CASK: variants seen among roughly 807,000 people sequenced by gnomAD.
CASK encodes peripheral plasma membrane protein CASK.
A neutral mutation model predicts 82.9 loss-of-function variants in CASK; 4 were observed. The ratio of observed to expected loss-of-function variants is 0.05; its 90% CI spans 0.02 to 0.11. The LOEUF (loss-of-function observed/expected upper bound fraction) is 0.11. Among genes scored for constraint, CASK ranks in the 10% least tolerant of loss-of-function variants. The pLI is 1.00. For synonymous variants in CASK, 259 were observed against 253.5 expected (o/e 1.02, Z -0.20); for missense variants, 358 against 720.9 (o/e 0.50, Z 5.76).
intron 3 of CASK, among the ~76,000 whole-genome samples, chrX:41,777,721 T>C (rs1192134527): frequency 9.0e-6 from 1 of 111,372 alleles, no homozygotes; most frequent in African/African-American, 3.3e-5. Context: ...GGTTGTTCAC[T>C]TCTACAATAA....
Position 41,531,148 on chromosome X carries a change from A to T in CASK, c.2379T>A (p.His793Gln). Reference sequence around the variant, plus strand: ...TAGAGATGTCTTGCATCATTTGGTCATGAGATACAAAGTAATAATTCTTTC... The same window carrying T: ...TAGAGATGTCTTGCATCATTTGGTCTTGAGATACAAAGTAATAATTCTTTC... ...ENGKNYYFVS[H>Q]DQMMQDISNN... is the part of the protein sequence containing the mutation. Residue 793 changes from histidine (H) to glutamine (Q), a missense_variant, in exon 25 of 27, where the codon CAT becomes CAA. Around this residue, in one of 5 missense-constraint regions of CASK, gnomAD observed 118 missense variants for 169.4 expected, o/e 0.70. Coordinates refer to ENST00000378163, the MANE Select transcript of CASK (RefSeq NM_001367721.1). 8.3e-7 allele frequency: 1 copy of T among 1,209,979 alleles called. No individual in the cohort carries two copies.
intron 2 of CASK, among the ~76,000 whole-genome samples, chrX:41,844,212 T>C (rs769364512): frequency 6.3e-5 from 7 of 111,727 alleles, no homozygotes; most frequent in Non-Finnish European, 1.1e-4. Context: ...GGTTTTGGTA[T>C]CAGGGTATTG....
At chrX:41,736,307 C>T (rs766387323) in intron 5 of CASK, among the ~76,000 whole-genome samples, 3 of 111,462 alleles carry the variant, frequency 2.7e-5, no homozygotes, top group Admixed American at 9.5e-5. Flanking sequence ...GCAGCCTGGG[C>T]AACAGGGTGA....
intron 25 of CASK, among the ~76,000 whole-genome samples, chrX:41,530,641 T>G (rs752355845): frequency 1.6e-4 from 18 of 112,627 alleles, no homozygotes; most frequent in African/African-American, 5.2e-4. Flanking sequence ...CAGCGTGAGC[T>G]GTACCCAGAG....
At chrX:41,692,528 A>G (rs1437905976) in intron 5 of CASK, among the ~76,000 whole-genome samples, 1 of 112,810 alleles carries the variant, frequency 8.9e-6, no homozygotes, top group African/African-American at 3.2e-5. Flanking sequence ...TGTCTCTGCA[A>G]TTTCTATCAT....
intron 22 of CASK, among the ~76,000 whole-genome samples, chrX:41,536,397 C>T (rs985790837): frequency 9.0e-6 from 1 of 110,995 alleles, no homozygotes; most frequent in Non-Finnish European, 1.9e-5. Flanking sequence ...TGTGAGCCAT[C>T]GTGCCCGGCC....
chrX:41,576,394 A>G (rs1445405947), intron 15 of CASK, among the ~76,000 whole-genome samples: 1 of 110,675 alleles, frequency 9.0e-6, no homozygotes, highest in Non-Finnish European at 1.9e-5. Flanking sequence ...GGTCCCTTCT[A>G]CCTTCTTGCC....
At chrX:41,885,125 T>G (rs145145807) in intron 1 of CASK, among the ~76,000 whole-genome samples, 7 of 111,912 alleles carry the variant, frequency 6.3e-5, no homozygotes, top group African/African-American at 2.3e-4. Flanking sequence ...CTGCCACATA[T>G]TTGTCATCTA....
chrX:41,537,360 T>C (rs1228348439), intron 22 of CASK, among the ~76,000 whole-genome samples: 4 of 111,360 alleles, frequency 3.6e-5, no homozygotes, highest in African/African-American at 1.3e-4. Context: ...ACTTAAAGAA[T>C]GAGCTTTTAA....
intron 2 of CASK, 112 bp from the exon 3 acceptor site, chrX:41,787,395 G>C: frequency 1.9e-6 from 1 of 534,829 alleles, no homozygotes. Flanking sequence ...TCTAACTAGA[G>C]AGATGAAATC....
At chrX:41,861,823 ATG>A (rs2071487806) in intron 1 of CASK, among the ~76,000 whole-genome samples, 1 of 100,922 alleles carries the variant, frequency 9.9e-6, no homozygotes, top group African/African-American at 3.6e-5. Flanking sequence ...TATTGTATAT[ATG>A]TATATATACA....
chrX:41,638,850 T>A (rs2066600996), intron 8 of CASK, among the ~76,000 whole-genome samples: 1 of 110,835 alleles, frequency 9.0e-6, no homozygotes, highest in African/African-American at 3.3e-5. Context: ...TAGAGTGACA[T>A]GATCTGACTT....
intron 5 of CASK, among the ~76,000 whole-genome samples, chrX:41,731,109 C>T (rs910001148): frequency 1.8e-5 from 2 of 112,457 alleles, no homozygotes; most frequent in Non-Finnish European, 1.9e-5. Context: ...TCTCACTGGA[C>T]TTAGGAGTTT....
intron 5 of CASK, among the ~76,000 whole-genome samples, chrX:41,722,077 T>C (rs1004516849): frequency 3.6e-5 from 4 of 112,319 alleles, no homozygotes; most frequent in Non-Finnish European, 7.5e-5. Flanking sequence ...GTTGAATGAA[T>C]TACACTGTTT....
At chrX:41,863,262 T>C (rs752735193) in intron 1 of CASK, among the ~76,000 whole-genome samples, 15 of 112,027 alleles carry the variant, frequency 1.3e-4, no homozygotes, top group Non-Finnish European at 2.1e-4. Context: ...CCTAAACATA[T>C]GGAACTTTGA....
intron 1 of CASK, among the ~76,000 whole-genome samples, chrX:41,868,591 C>A (rs1048755125): frequency 3.6e-5 from 4 of 111,203 alleles, no homozygotes; most frequent in Non-Finnish European, 7.5e-5. Flanking sequence ...TCAAAGCCAC[C>A]ACAACATAAA....
Position 41,839,978 on chromosome X carries a change from C to A in CASK, c.172+13137G>T, listed in dbSNP as rs1281256795. On this transcript the variant is annotated intron_variant, in intron 2 of 26. Transcript: ENST00000378163. Reference sequence around the variant, plus strand: ...ACTACACTGTCATGATTACTGTAGCCTTAAAGTATTGAAGTCAAGTACTGA... The same window carrying A: ...ACTACACTGTCATGATTACTGTAGCATTAAAGTATTGAAGTCAAGTACTGA... Among the ~76,000 whole-genome samples the A allele has an allele frequency of 3.6e-5, 4 of 111,977 alleles. No individual in the cohort carries two copies. In the South Asian group the frequency reaches 1.5e-3, roughly 42 times the overall value.
intron 1 of CASK, among the ~76,000 whole-genome samples, chrX:41,873,283 C>CAAAAAAAAAAA (rs1175165867): frequency 3.2e-5 from 1 of 31,298 alleles, no homozygotes; most frequent in Non-Finnish European, 5.5e-5. Context: ...TTCTTCCTCA[C>CAAAAAAAAAAA]AAAAAAAAAA....
chrX:41,539,273 T>G (rs1221980359), intron 22 of CASK, among the ~76,000 whole-genome samples: 1 of 112,105 alleles, frequency 8.9e-6, no homozygotes, highest in Non-Finnish European at 1.9e-5. Context: ...ATAATTCTAG[T>G]ATTATCATTC....
Sources: allele counts gnomAD v4.1 joint callset (sites outside exome capture counted in the v4.1 genomes callset), GRCh38; gene constraint gnomAD v4.1.1; regional missense constraint gnomAD v4.1.1; transcripts MANE v1.5; gene names NCBI Gene and HGNC (gene_info 2026-07-23, HGNC 2026-07-21).